The following ZNF827 variants were observed in gnomAD, a reference collection of about 807,000 sequenced individuals.
ZNF827 encodes the protein zinc finger protein 827.
In ZNF827, 13 loss-of-function variants were observed where a neutral mutation model predicts 102.4. That is an observed-to-expected ratio of 0.13 (90% CI 0.08 to 0.20). ZNF827 has a LOEUF of 0.20. ZNF827 is among the 10% of genes least tolerant of loss of function. The pLI is 1.00. For missense variants in ZNF827, 1,103 were observed against 1,344.4 expected (o/e 0.82, Z 2.81); for synonymous variants, 523 against 536.2 (o/e 0.98, Z 0.34).
chr4:145,882,931 A>G (rs1239530026), intron 4 of ZNF827, among the ~76,000 whole-genome samples: 1 of 152,162 alleles, frequency 6.6e-6, no homozygotes, highest in Non-Finnish European at 1.5e-5. Flanking sequence ...AGAGCTAGAA[A>G]CTCAGCCGCA....
At chr4:145,779,340 T>C (rs774864783) in intron 9 of ZNF827, 34 bp downstream of exon 9, 1 of 1,607,492 alleles carries the variant, frequency 6.2e-7, no homozygotes, top group Non-Finnish European at 8.5e-7. Flanking sequence ...TGATGGAGCA[T>C]AGAGGGCTGA....
chr4:145,919,766 T>C (rs1752929675), intron 1 of ZNF827, among the ~76,000 whole-genome samples: 1 of 152,228 alleles, frequency 6.6e-6, no homozygotes, highest in Non-Finnish European at 1.5e-5. Context: ...AAAGCATGGA[T>C]AACATTAAAC....
At chr4:145,930,415 T>C (rs187911181) in intron 1 of ZNF827, among the ~76,000 whole-genome samples, 21 of 152,356 alleles carry the variant, frequency 1.4e-4, no homozygotes, top group Admixed American at 1.2e-3. Flanking sequence ...TAATGGGGTC[T>C]AACCACTTTT....
chr4:145,776,746 G>A (rs1166546805), intron 9 of ZNF827, among the ~76,000 whole-genome samples: 1 of 151,958 alleles, frequency 6.6e-6, no homozygotes, highest in African/African-American at 2.4e-5. Context: ...GGCCTGGGTC[G>A]GCCAAGAAAT....
intron 10 of ZNF827, among the ~76,000 whole-genome samples, chr4:145,775,230 C>T (rs1031912793): frequency 2.7e-4 from 41 of 152,168 alleles, no homozygotes; most frequent in African/African-American, 9.9e-4. Context: ...TTCCACCAAT[C>T]AGTATGGCAA....
intron 1 of ZNF827, among the ~76,000 whole-genome samples, chr4:145,919,667 A>T (rs979352863): frequency 6.6e-6 from 1 of 152,196 alleles, no homozygotes; most frequent in African/African-American, 2.4e-5. Flanking sequence ...CCACTACTGA[A>T]ATCCATCATC....
Position 145,761,589 on chromosome 4 carries a change from G to A in ZNF827, c.*27C>T, listed in dbSNP as rs1202956981. 36 of 1,262,898 alleles carry A rather than the reference G, an allele frequency of 2.9e-5. No homozygotes were observed. The highest frequency in any genetic ancestry group is 3.6e-5 in the Non-Finnish European group (35 of 971,130). The allele number at this position is 1,262,898 out of a possible 1,614,324, so 78.2% of individuals were successfully genotyped here. ...CGGGGCGGTTGGTGGAATAAATGCAGAATGGGCACCTGCCGGGGAAAGCAA... is the reference window on the plus strand; with the variant it reads ...CGGGGCGGTTGGTGGAATAAATGCAAAATGGGCACCTGCCGGGGAAAGCAA... On this transcript the variant is annotated 3_prime_UTR_variant, in exon 15 of 15. Coordinates refer to ENST00000508784, the MANE Select transcript of ZNF827 (RefSeq NM_001306215.2). This position sits in a 1 kb window ranked among gnomAD's most constrained non-coding sequence, Gnocchi z 6.8.
intron 1 of ZNF827, among the ~76,000 whole-genome samples, chr4:145,922,389 C>T (rs1008017654): frequency 3.3e-5 from 5 of 152,134 alleles, no homozygotes; most frequent in East Asian, 1.9e-4. Flanking sequence ...AAAGCAATGA[C>T]GGGTAAAACT....
At chr4:145,901,313 T>C (rs1751393720) in intron 2 of ZNF827, among the ~76,000 whole-genome samples, 2 of 152,190 alleles carry the variant, frequency 1.3e-5, no homozygotes, top group Non-Finnish European at 1.5e-5. Context: ...GGAACGTGTA[T>C]TTATCATGTA....
chr4:145,901,530 TTAAA>T lies in ZNF827; in HGVS notation c.1093+632_1093+635del, dbSNP rs143789132. On this transcript the variant is annotated intron_variant, in intron 2 of 14. Coordinates refer to ENST00000508784, the MANE Select transcript of ZNF827 (RefSeq NM_001306215.2). The stretch of plus-strand genomic sequence containing the variant: ...CCTTCAAAATTGGATTGGATTTGAA[TTAAA>T]TAAAGCATTCACAGGAAATGTGTTG... 5.1e-3 allele frequency among the ~76,000 whole-genome samples: 782 copies of T among 152,384 alleles called. 5 individuals are homozygous for T. The highest frequency in any genetic ancestry group is 0.017 in the African/African-American group (725 of 41,588).
intron 8 of ZNF827, among the ~76,000 whole-genome samples, chr4:145,811,201 G>A (rs997587295): frequency 6.6e-6 from 1 of 152,104 alleles, no homozygotes; most frequent in Non-Finnish European, 1.5e-5. Flanking sequence ...TCACCATGTT[G>A]GTCAGGCTAG....
intron 8 of ZNF827, among the ~76,000 whole-genome samples, chr4:145,818,005 A>G (rs891717423): frequency 1.3e-5 from 2 of 152,268 alleles, no homozygotes; most frequent in African/African-American, 4.8e-5. Context: ...AAAGCATTAA[A>G]GGAAGAGAGG....
At chr4:145,857,275 T>C (rs911630259) in intron 5 of ZNF827, among the ~76,000 whole-genome samples, 2 of 152,246 alleles carry the variant, frequency 1.3e-5, no homozygotes, top group East Asian at 3.8e-4. Flanking sequence ...TGCTAACTTT[T>C]TGAATTTGCA....
In ZNF827 at chr4:145,762,905, C is replaced by T. The variant is rs1003740842; in HGVS notation, c.*17+185G>A. ...GCAGGGCTCAGGAGTGGACTGTCCT[C>T]GGAGGGTCTGGAGAGGTGTTCAGCA... is the stretch of plus-strand genomic sequence containing the variant. On this transcript the variant is annotated intron_variant, in intron 14 of 14. Coordinates refer to ENST00000508784, the MANE Select transcript of ZNF827 (RefSeq NM_001306215.2). The surrounding 1 kb of genome is among the most constrained non-coding windows in gnomAD (Gnocchi z 4.9). Among the ~76,000 whole-genome samples the T allele has an allele frequency of 6.6e-6, 1 of 152,324 alleles. No individual in the cohort carries two copies. The highest frequency in any genetic ancestry group is 1.5e-5 in the Non-Finnish European group (1 of 68,034).
intron 1 of ZNF827, among the ~76,000 whole-genome samples, chr4:145,909,153 T>C (rs752322427): frequency 4.6e-5 from 7 of 152,252 alleles, no homozygotes; most frequent in Non-Finnish European, 7.3e-5. Context: ...CCAACTATTT[T>C]ACCATACTCA....
chr4:145,846,838 CACA>C (rs1272025676), intron 6 of ZNF827, among the ~76,000 whole-genome samples: 26 of 145,690 alleles, frequency 1.8e-4, no homozygotes. Flanking sequence ...CAAACAAAAA[CACA>C]ACAACAACAA....
chr4:145,910,832 C>T (rs1752229763), intron 1 of ZNF827, among the ~76,000 whole-genome samples: 1 of 152,224 alleles, frequency 6.6e-6, no homozygotes, highest in Non-Finnish European at 1.5e-5. Flanking sequence ...AATTGCTCTT[C>T]CTCTGCCTGA....
chr4:145,809,616 T>C (rs752878299), intron 8 of ZNF827, among the ~76,000 whole-genome samples: 5 of 152,192 alleles, frequency 3.3e-5, no homozygotes, highest in Non-Finnish European at 7.4e-5. Flanking sequence ...TCTTCCCCAG[T>C]TGCTTCTATA....
chr4:145,881,842 A>C lies in ZNF827; in HGVS notation c.1747+3836T>G, dbSNP rs897274816. On this transcript the variant is annotated intron_variant, in intron 4 of 14. Coordinates refer to ENST00000508784, the MANE Select transcript of ZNF827 (RefSeq NM_001306215.2). ...CTGGAGACCACAGGAACAAAACTGC[A>C]CTGATGAAAACCGTAGCTGTACCAA... Among the ~76,000 whole-genome samples, 4 of 152,334 alleles carry C rather than the reference A, an allele frequency of 2.6e-5. No homozygotes were observed. In the South Asian group the frequency reaches 8.3e-4, roughly 32 times the overall value.
Sources: gnomAD v4.1 joint callset for allele counts (sites outside exome capture counted in the v4.1 genomes callset) on GRCh38, gnomAD v4.1.1 for gene constraint, Gnocchi (gnomAD v3.1) non-coding constraint, MANE v1.5 for transcripts, NCBI Gene and HGNC (gene_info 2026-07-23, HGNC 2026-07-21) for gene names.